Variants in NKD2 observed in about 807,000 individuals in gnomAD.
NKD2 encodes protein naked cuticle homolog 2.
Under a neutral mutation model 34.8 loss-of-function variants are expected in NKD2, and 43 were observed. The ratio of observed to expected loss-of-function variants is 1.24; its 90% CI spans 0.97 to 1.60. The LOEUF is 1.60. Ranked by LOEUF, NKD2 falls within the 40% of genes most tolerant of loss-of-function variation. The probability of loss-of-function intolerance (pLI) is 0.00; values close to 1 mark genes in which losing one functional copy is unlikely to be tolerated. For missense variants in NKD2, 675 were observed against 627.1 expected, an observed-to-expected ratio of 1.08 and a Z score of -0.82; for synonymous variants, 278 against 265.1, an observed-to-expected ratio of 1.05 and a Z score of -0.47.
At chr5:1,014,311 C>T (rs1755863481) in intron 3 of NKD2, among the ~76,000 whole-genome samples, 1 of 152,228 alleles carries the variant, frequency 6.6e-6, no homozygotes. Context: ...ATCATCAGCC[C>T]TGCAGCTTTG....
chr5:1,037,457 A>T (rs945552669), intron 9 of NKD2: 28 of 1,394,120 alleles, frequency 2.0e-5, no homozygotes, highest in Middle Eastern at 1.8e-4. Context: ...GGTTTAGGGG[A>T]TGCGAATCCT....
chr5:1,032,697 G>A (rs1560996576), intron 4 of NKD2, among the ~76,000 whole-genome samples: 1 of 152,170 alleles, frequency 6.6e-6, no homozygotes, highest in Non-Finnish European at 1.5e-5. Context: ...CAGCAAGCAG[G>A]GCCACCTTCG....
chr5:1,032,880 T>C (rs1406741865), intron 4 of NKD2, among the ~76,000 whole-genome samples: 2 of 152,158 alleles, frequency 1.3e-5, no homozygotes, highest in Admixed American at 6.5e-5. Context: ...AACGGAATAA[T>C]TGTGCTCCAG....
chr5:1,027,978 G>C (rs1323501643), intron 3 of NKD2, among the ~76,000 whole-genome samples: 1 of 152,232 alleles, frequency 6.6e-6, no homozygotes, highest in African/African-American at 2.4e-5. Context: ...GGGCAGTGGT[G>C]CTCCAGCTGC....
intron 9 of NKD2, chr5:1,037,473 C>T (rs568932135): frequency 1.5e-4 from 222 of 1,500,432 alleles, no homozygotes; most frequent in East Asian, 7.9e-4. Context: ...ATCCTGGGGG[C>T]GCCCTCCCTG....
intron 3 of NKD2, among the ~76,000 whole-genome samples, chr5:1,016,493 C>T (rs1352811828): frequency 1.3e-5 from 2 of 151,834 alleles, no homozygotes; most frequent in Non-Finnish European, 2.9e-5. Flanking sequence ...TAGTTTTGCG[C>T]ACCAAAATCA....
chr5:1,009,306 C>T lies in NKD2; in HGVS notation c.61+92C>T, dbSNP rs1755653306. The T allele has an allele frequency of 3.9e-6, 2 of 508,998 alleles. No individual in the cohort carries two copies. The highest frequency in any genetic ancestry group is 2.9e-5 in the South Asian group (1 of 34,070). 31.5% of individuals were successfully genotyped at this position (508,998 alleles called of 1,614,324 possible). Reference sequence around the variant, plus strand: ...GCCCGCGCGCGTCCTGCCCTGGAGCCAGCAGTGGGGGGACGGGGCCGCGGG... The same window carrying T: ...GCCCGCGCGCGTCCTGCCCTGGAGCTAGCAGTGGGGGGACGGGGCCGCGGG... On this transcript the variant is annotated intron_variant, in intron 2 of 9. Coordinates refer to ENST00000296849, the MANE Select transcript of NKD2 (RefSeq NM_033120.4). The surrounding 1 kb of genome is among the most constrained non-coding windows in gnomAD (Gnocchi z 6.9).
intron 3 of NKD2, among the ~76,000 whole-genome samples, chr5:1,028,520 C>G (rs1318278046): frequency 6.6e-6 from 1 of 152,040 alleles, no homozygotes; most frequent in Non-Finnish European, 1.5e-5. Context: ...CGGTCGGGTT[C>G]CTGTCCTCCC....
At chr5:1,014,131 TC>T (rs1755857641) in intron 3 of NKD2, among the ~76,000 whole-genome samples, 1 of 152,238 alleles carries the variant, frequency 6.6e-6, no homozygotes, top group Non-Finnish European at 1.5e-5. Context: ...CCTGTTCTCC[TC>T]AGTGGGCTGA....
chr5:1,020,741 C>T (rs1309639459), intron 3 of NKD2, among the ~76,000 whole-genome samples: 1 of 148,172 alleles, frequency 6.7e-6, no homozygotes, highest in Non-Finnish European at 1.5e-5. Flanking sequence ...CAGCCCTGGG[C>T]CTGTCCCTGT....
chr5:1,034,641 G>T, intron 6 of NKD2, 115 bp from the exon 7 acceptor site: 1 of 1,133,216 alleles, frequency 8.8e-7, no homozygotes, highest in Non-Finnish European at 1.3e-6. Context: ...GTGGTCTGTT[G>T]GTGGATGCAA....
At position 1,009,702 on chromosome 5, in the gene NKD2, A is replaced by G; in HGVS notation, c.141+142A>G. 4.6e-6 allele frequency: 3 copies of G among 648,032 alleles called. No individual in the cohort carries two copies. Among genetic ancestry groups the G allele is most frequent in the Non-Finnish European group, 7.1e-6 (3 of 420,928 alleles). 40.1% of individuals were successfully genotyped at this position (648,032 alleles called of 1,614,324 possible). On this transcript the variant is annotated intron_variant, in intron 3 of 9. Coordinates refer to ENST00000296849, the MANE Select transcript of NKD2 (RefSeq NM_033120.4). This position sits in a 1 kb window ranked among gnomAD's most constrained non-coding sequence, Gnocchi z 6.9. ...CGCACGAGTGACCGGGGGCCAGGAG[A>G]GCCAGTCTCTCCCCAGCCTCCACGA...
chr5:1,034,177 A>G (rs577935670), intron 5 of NKD2, 58 bp from the exon 6 acceptor site: 2 of 1,225,446 alleles, frequency 1.6e-6, no homozygotes, highest in South Asian at 1.3e-5. Context: ...CCCCCTGTGG[A>G]GTTGGGCGTG....
intron 3 of NKD2, among the ~76,000 whole-genome samples, chr5:1,029,465 G>A (rs760866673): frequency 1.3e-5 from 2 of 152,148 alleles, no homozygotes; most frequent in Admixed American, 1.3e-4. Context: ...ATCAAACCAC[G>A]GGTCTGTGCA....
intron 3 of NKD2, among the ~76,000 whole-genome samples, chr5:1,019,568 T>C (rs989263187): frequency 6.6e-6 from 1 of 152,158 alleles, no homozygotes; most frequent in Non-Finnish European, 1.5e-5. Flanking sequence ...GATTGTCGCG[T>C]GCAGGGCATG....
At position 1,018,787 on chromosome 5, in the gene NKD2, C is replaced by T. The variant is rs145705261; in HGVS notation, c.141+9227C>T. Among the ~76,000 whole-genome samples, 17 of 152,290 alleles carry T rather than the reference C, an allele frequency of 1.1e-4. No homozygotes were observed. In the East Asian group the frequency reaches 3.3e-3, roughly 29 times the overall value. The stretch of plus-strand genomic sequence containing the variant: ...GTGTATGAGGGGAGCCCTGCCCATG[C>T]CAACCACCTAGCTGTGCCCAGGGGA... On this transcript the variant is annotated intron_variant, in intron 3 of 9. Transcript: ENST00000296849.
At chr5:1,014,509 G>A (rs528843580) in intron 3 of NKD2, among the ~76,000 whole-genome samples, 1 of 152,354 alleles carries the variant, frequency 6.6e-6, no homozygotes, top group African/African-American at 2.4e-5. Context: ...TCCCGTGTGA[G>A]CAGCAAGGTG....
chr5:1,026,730 G>T (rs1756427320), intron 3 of NKD2, among the ~76,000 whole-genome samples: 2 of 152,244 alleles, frequency 1.3e-5, no homozygotes, highest in Non-Finnish European at 2.9e-5. Flanking sequence ...CACCTGCCAG[G>T]CACTCACTTC....
At chr5:1,012,994 A>G (rs1465892104) in intron 3 of NKD2, among the ~76,000 whole-genome samples, 2 of 152,234 alleles carry the variant, frequency 1.3e-5, no homozygotes, top group Non-Finnish European at 2.9e-5. Context: ...ACACATTTGC[A>G]GGAGAGACTC....
Sources: allele counts gnomAD v4.1 joint callset (sites outside exome capture counted in the v4.1 genomes callset), GRCh38; gene constraint gnomAD v4.1.1; non-coding constraint Gnocchi (gnomAD v3.1); transcripts MANE v1.5; gene names NCBI Gene and HGNC (gene_info 2026-07-23, HGNC 2026-07-21).